The following NPAS2 variants were observed in gnomAD, a reference collection of about 807,000 sequenced individuals.
NPAS2 encodes the protein neuronal PAS domain-containing protein 2.
In NPAS2, 23 loss-of-function variants were observed where a neutral mutation model predicts 107.5. The ratio of observed to expected loss-of-function variants is 0.21; its 90% CI spans 0.15 to 0.30. NPAS2 has a LOEUF of 0.30. Ranked by LOEUF, NPAS2 falls within the 10% of genes least tolerant of loss-of-function variation. The pLI is 1.00. For missense variants in NPAS2, 756 were observed against 1,043.3 expected, an observed-to-expected ratio of 0.72 and a Z score of 3.79; for synonymous variants, 403 against 417.5, an observed-to-expected ratio of 0.97 and a Z score of 0.42.
chr2:100,911,216 T>C (rs754959896), intron 2 of NPAS2, among the ~76,000 whole-genome samples: 1 of 152,054 alleles, frequency 6.6e-6, no homozygotes, highest in Non-Finnish European at 1.5e-5. Flanking sequence ...AATAAAAACA[T>C]AGTGGCAAGA....
chr2:100,841,043 C>T (rs1677364435), intron 1 of NPAS2, among the ~76,000 whole-genome samples: 1 of 152,228 alleles, frequency 6.6e-6, no homozygotes, highest in South Asian at 2.1e-4. Flanking sequence ...GGATCTGCTT[C>T]AGGATGTTGT....
At chr2:100,912,249 TTTATTTATTA>T (rs1682602802) in intron 2 of NPAS2, among the ~76,000 whole-genome samples, 2 of 114,060 alleles carry the variant, frequency 1.8e-5, no homozygotes, top group African/African-American at 2.8e-5. Flanking sequence ...TATTTATTTA[TTTATTTATTA>T]TTATTATTTT....
Position 100,985,563 on chromosome 2 carries a change from T to TC in NPAS2, c.1630-2515dup, listed in dbSNP as rs1677732309. ...GTGAAAGCACCATTCATATGTTTAT[T>TC]CATTCATACATGCATTTATTCCATT... On this transcript the variant is annotated intron_variant, in intron 16 of 20. Transcript: ENST00000335681. 4 of 152,396 alleles carry TC rather than the reference T, an allele frequency of 2.6e-5. No individual in the cohort carries two copies. In the South Asian group the frequency reaches 8.3e-4, roughly 32 times the overall value. 9.4% of individuals were successfully genotyped at this position (152,396 alleles called of 1,614,324 possible).
intron 5 of NPAS2, among the ~76,000 whole-genome samples, chr2:100,946,524 C>T (rs963182351): frequency 2.6e-5 from 4 of 152,164 alleles, no homozygotes; most frequent in Non-Finnish European, 4.4e-5. Context: ...GGAAAAAAGG[C>T]TCGGAAGGAT....
At chr2:100,973,146 T>A (rs1173585538) in intron 12 of NPAS2, among the ~76,000 whole-genome samples, 1 of 150,208 alleles carries the variant, frequency 6.7e-6, no homozygotes, top group African/African-American at 2.5e-5. Flanking sequence ...GCCATTGCAC[T>A]CCAGCCTGGG....
chr2:100,912,764 T>C (rs1573606504), intron 2 of NPAS2, among the ~76,000 whole-genome samples: 1 of 152,342 alleles, frequency 6.6e-6, no homozygotes, highest in East Asian at 1.9e-4. Context: ...GTACCTGGCT[T>C]TGGAAGCCAA....
intron 2 of NPAS2, among the ~76,000 whole-genome samples, chr2:100,924,730 C>T (rs555808974): frequency 9.9e-5 from 15 of 151,860 alleles, no homozygotes; most frequent in South Asian, 4.2e-4. Flanking sequence ...CTGGCCACCC[C>T]GTGGGCCCTG....
intron 7 of NPAS2, among the ~76,000 whole-genome samples, chr2:100,954,494 G>A (rs1370411358): frequency 6.6e-5 from 10 of 152,002 alleles, no homozygotes; most frequent in Non-Finnish European, 1.2e-4. Context: ...GCAAAACTGT[G>A]TCTCTACTAA....
intron 1 of NPAS2, among the ~76,000 whole-genome samples, chr2:100,871,329 G>GTT (rs5832938): frequency 0.048 from 6,168 of 127,436 alleles, 484 homozygotes; most frequent in African/African-American, 0.17. Context: ...CTTCTTCCTT[G>GTT]TTTTTTTTTT....
chr2:100,886,017 G>A (rs1244280816), intron 1 of NPAS2, among the ~76,000 whole-genome samples: 1 of 152,198 alleles, frequency 6.6e-6, no homozygotes, highest in East Asian at 1.9e-4. Flanking sequence ...GGCTAGACAT[G>A]TAAAATCATT....
chr2:100,913,992 G>A (rs1188593769), intron 2 of NPAS2, among the ~76,000 whole-genome samples: 1 of 152,198 alleles, frequency 6.6e-6, no homozygotes, highest in East Asian at 1.9e-4. Context: ...TTGGGCAGCT[G>A]GGTGTGAAGT....
At chr2:100,922,655 T>C (rs1683305860) in intron 2 of NPAS2, among the ~76,000 whole-genome samples, 1 of 151,986 alleles carries the variant, frequency 6.6e-6, no homozygotes, top group Non-Finnish European at 1.5e-5. Flanking sequence ...CCAGTGTCTG[T>C]GTGTGGTGGT....
At chr2:100,847,431 G>A (rs1010293794) in intron 1 of NPAS2, among the ~76,000 whole-genome samples, 1 of 151,946 alleles carries the variant, frequency 6.6e-6, no homozygotes, top group Non-Finnish European at 1.5e-5. Flanking sequence ...GTGCAGTGGT[G>A]TGATCTCAGC....
At chr2:100,895,709 G>GC (rs1681372738) in intron 1 of NPAS2, among the ~76,000 whole-genome samples, 1 of 152,042 alleles carries the variant, frequency 6.6e-6, no homozygotes, top group Non-Finnish European at 1.5e-5. Context: ...TTACCCCCAT[G>GC]CCCCCACTCA....
chr2:100,938,821 G>A lies in NPAS2; in HGVS notation c.363+979G>A, dbSNP rs576093605. ...ATGACAGCTGTACCAGGAGCAGCAC[G>A]TGTGATGGACAAGAAAAAAACGTCC... On this transcript the variant is annotated intron_variant, in intron 5 of 20. Transcript: ENST00000335681. Among the ~76,000 whole-genome samples the A allele has an allele frequency of 1.8e-3, 274 of 152,098 alleles. 2 individuals are homozygous for A. Among genetic ancestry groups the A allele is most frequent in the Non-Finnish European group, 3.5e-3 (240 of 67,986 alleles).
intron 2 of NPAS2, among the ~76,000 whole-genome samples, chr2:100,906,410 G>T (rs1682148535): frequency 6.6e-6 from 1 of 152,192 alleles, no homozygotes; most frequent in Non-Finnish European, 1.5e-5. Flanking sequence ...AATTCCAACT[G>T]ACCCCTCATC....
At chr2:100,846,625 T>C (rs1337103193) in intron 1 of NPAS2, among the ~76,000 whole-genome samples, 1 of 152,242 alleles carries the variant, frequency 6.6e-6, no homozygotes, top group Non-Finnish European at 1.5e-5. Flanking sequence ...TAAGTTAAAG[T>C]ATTTTTATGA....
intron 1 of NPAS2, among the ~76,000 whole-genome samples, chr2:100,851,150 A>G (rs72970020): frequency 0.02 from 3,015 of 152,058 alleles, 90 homozygotes; most frequent in African/African-American, 0.069. Flanking sequence ...GGGGCTGGAG[A>G]GAGGGAGGAA....
intron 1 of NPAS2, among the ~76,000 whole-genome samples, chr2:100,836,378 C>T (rs7587573): frequency 0.17 from 25,273 of 152,078 alleles, 2,258 homozygotes; most frequent in East Asian, 0.26. Context: ...TTCTTCTCCC[C>T]ACCTGGAATC....
Sources: gnomAD v4.1 joint callset for allele counts (sites outside exome capture counted in the v4.1 genomes callset) on GRCh38, gnomAD v4.1.1 for gene constraint, MANE v1.5 for transcripts, NCBI Gene and HGNC (gene_info 2026-07-23, HGNC 2026-07-21) for gene names.